CAMK2D: variants seen among roughly 807,000 people sequenced by gnomAD.
CAMK2D encodes the protein calcium/calmodulin-dependent protein kinase type II subunit delta.
A neutral mutation model predicts 84.0 loss-of-function variants in CAMK2D; 37 were observed. That is an observed-to-expected ratio of 0.44 (90% CI 0.34 to 0.58). The LOEUF (loss-of-function observed/expected upper bound fraction) is 0.58. Ranked by LOEUF, CAMK2D falls within the 20% of genes least tolerant of loss-of-function variation. CAMK2D has a pLI of 0.02. For synonymous variants in CAMK2D, 202 were observed against 212.5 expected (o/e 0.95, Z 0.43); for missense variants, 448 against 652.5 (o/e 0.69, Z 3.41).
At chr4:113,685,035 T>C (rs558435622) in intron 2 of CAMK2D, among the ~76,000 whole-genome samples, 17 of 152,236 alleles carry the variant, frequency 1.1e-4, no homozygotes, top group African/African-American at 3.6e-4. Flanking sequence ...CCTTCTCTCT[T>C]TGTTGATTCT....
chr4:113,503,061 C>T (rs530878535), intron 14 of CAMK2D, 84 bp from the exon 15 acceptor site: 1 of 960,950 alleles, frequency 1.0e-6, no homozygotes, highest in Non-Finnish European at 1.7e-6. Context: ...CAGAGTGAGC[C>T]AGCTGACAAA....
At chr4:113,492,411 T>C (rs1167085038) in intron 16 of CAMK2D, among the ~76,000 whole-genome samples, 2 of 152,246 alleles carry the variant, frequency 1.3e-5, no homozygotes, top group Non-Finnish European at 2.9e-5. Context: ...CCAGTAGTCA[T>C]TCAGGAGCAG....
chr4:113,560,149 T>C (rs901300033), intron 4 of CAMK2D, among the ~76,000 whole-genome samples: 5 of 152,166 alleles, frequency 3.3e-5, no homozygotes, highest in African/African-American at 1.2e-4. Flanking sequence ...CTGAAAGCTA[T>C]TTAAATGGTC....
At chr4:113,488,208 C>A (rs888231332) in intron 16 of CAMK2D, among the ~76,000 whole-genome samples, 1 of 151,890 alleles carries the variant, frequency 6.6e-6, no homozygotes, top group African/African-American at 2.4e-5. Context: ...GATACATGAA[C>A]AAAAATGAGA....
intron 2 of CAMK2D, among the ~76,000 whole-genome samples, chr4:113,733,065 T>C (rs1018350452): frequency 5.3e-5 from 8 of 152,082 alleles, no homozygotes; most frequent in African/African-American, 1.7e-4. Context: ...CTGGAGAAGT[T>C]TTGAAGAGAA....
At chr4:113,590,182 C>T (rs932370923) in intron 4 of CAMK2D, among the ~76,000 whole-genome samples, 5 of 152,098 alleles carry the variant, frequency 3.3e-5, no homozygotes, top group Non-Finnish European at 4.4e-5. Context: ...TAAACATTCA[C>T]TTTGGCTCAA....
At chr4:113,463,369 T>C (rs1237617966) in intron 17 of CAMK2D, among the ~76,000 whole-genome samples, 1 of 152,194 alleles carries the variant, frequency 6.6e-6, no homozygotes, top group Non-Finnish European at 1.5e-5. Flanking sequence ...TTAATACTTT[T>C]TATTTATTTA....
chr4:113,491,438 A>G (rs2154138909), intron 16 of CAMK2D, among the ~76,000 whole-genome samples: 1 of 150,352 alleles, frequency 6.7e-6, no homozygotes, highest in East Asian at 2.0e-4. Context: ...TATATGCTGG[A>G]TTACATTTAT....
chr4:113,642,222 A>G (rs1181358209), intron 3 of CAMK2D, among the ~76,000 whole-genome samples: 4 of 152,170 alleles, frequency 2.6e-5, no homozygotes, highest in African/African-American at 9.7e-5. Context: ...GTATTTTGCC[A>G]GTTACTGTGC....
intron 2 of CAMK2D, among the ~76,000 whole-genome samples, chr4:113,682,159 T>C (rs1036591465): frequency 1.4e-4 from 21 of 152,310 alleles, no homozygotes; most frequent in African/African-American, 4.1e-4. Context: ...TGTTAAACTT[T>C]GCATCACAGA....
intron 2 of CAMK2D, among the ~76,000 whole-genome samples, chr4:113,678,777 A>T (rs2099328742): frequency 6.6e-6 from 1 of 152,194 alleles, no homozygotes; most frequent in Admixed American, 6.5e-5. Flanking sequence ...AATCCAGCCC[A>T]CAGGCATTTC....
chr4:113,728,832 CACTT>C (rs997144392), intron 2 of CAMK2D, among the ~76,000 whole-genome samples: 37 of 152,108 alleles, frequency 2.4e-4, no homozygotes, highest in Non-Finnish European at 4.9e-4. Context: ...GGATAGGAAA[CACTT>C]ACTACAGTGC....
At chr4:113,463,797 A>G (rs2097422578) in intron 17 of CAMK2D, among the ~76,000 whole-genome samples, 1 of 152,170 alleles carries the variant, frequency 6.6e-6, no homozygotes, top group South Asian at 2.1e-4. Flanking sequence ...CAACATAACC[A>G]TTGTACCAAA....
intron 16 of CAMK2D, among the ~76,000 whole-genome samples, chr4:113,494,839 C>G (rs896462342): frequency 2.0e-5 from 3 of 152,106 alleles, no homozygotes; most frequent in Non-Finnish European, 4.4e-5. Context: ...ATATAATCTC[C>G]TGGTGCGCCG....
chr4:113,498,689 CA>C (rs2097980234), intron 16 of CAMK2D, among the ~76,000 whole-genome samples: 1 of 152,074 alleles, frequency 6.6e-6, no homozygotes, highest in Non-Finnish European at 1.5e-5. Flanking sequence ...AGATGAAACC[CA>C]TATCATTGTT....
chr4:113,752,147 C>T (rs1472458436), intron 2 of CAMK2D, among the ~76,000 whole-genome samples: 1 of 151,810 alleles, frequency 6.6e-6, no homozygotes, highest in South Asian at 2.1e-4. Context: ...AAAAAGCACA[C>T]AGGTAGCTTC....
chr4:113,490,787 T>C (rs1307362964), intron 16 of CAMK2D, among the ~76,000 whole-genome samples: 1 of 132,986 alleles, frequency 7.5e-6, no homozygotes, highest in East Asian at 2.0e-4. Flanking sequence ...TGGAATGTTC[T>C]TCCATTTGTT....
chr4:113,702,485 A>C (rs2099423190), intron 2 of CAMK2D, among the ~76,000 whole-genome samples: 1 of 152,238 alleles, frequency 6.6e-6, no homozygotes, highest in African/African-American at 2.4e-5. Flanking sequence ...ATTTAATGCA[A>C]GCCACAAATG....
chr4:113,661,662 A>C, intron 3 of CAMK2D, 51 bp downstream of exon 3: 1 of 791,890 alleles, frequency 1.3e-6, no homozygotes, highest in Non-Finnish European at 2.0e-6. Flanking sequence ...TGTGGTAAAT[A>C]ACATAAAATT....
Sources: gnomAD v4.1 joint callset for allele counts (sites outside exome capture counted in the v4.1 genomes callset) on GRCh38, gnomAD v4.1.1 for gene constraint, MANE v1.5 for transcripts, NCBI Gene and HGNC (gene_info 2026-07-23, HGNC 2026-07-21) for gene names.